XRCC6: variants seen among roughly 807,000 people sequenced by gnomAD.
XRCC6 encodes X-ray repair cross complementing 6.
XRCC6 carries 5 observed loss-of-function variants against 65.7 expected under a neutral mutation model. The observed-to-expected ratio is 0.08, with a 90% CI of 0.04 to 0.16. The LOEUF (loss-of-function observed/expected upper bound fraction) is 0.16, where lower values mean the gene tolerates loss of function less well. Ranked by LOEUF, XRCC6 falls within the 10% of genes least tolerant of loss-of-function variation. The pLI is 1.00. For synonymous variants in XRCC6, 270 were observed against 270.6 expected (o/e 1.00, Z 0.02); for missense variants, 447 against 738.1 (o/e 0.61, Z 4.57).
intron 3 of XRCC6, among the ~76,000 whole-genome samples, chr22:41,633,941 T>C (rs1179332902): frequency 6.6e-6 from 1 of 152,238 alleles, no homozygotes. Flanking sequence ...TTGTTTTTAA[T>C]TTTTAGAACC....
intron 7 of XRCC6, among the ~76,000 whole-genome samples, chr22:41,648,464 A>G (rs1012356670): frequency 6.6e-6 from 1 of 152,046 alleles, no homozygotes; most frequent in African/African-American, 2.4e-5. Context: ...CATTTTTTTT[A>G]GGGAGAGAAT....
intron 12 of XRCC6, 134 bp from the exon 13 acceptor site, chr22:41,663,488 A>G (rs1472390939): frequency 7.3e-6 from 7 of 957,688 alleles, no homozygotes; most frequent in Non-Finnish European, 1.1e-5. Flanking sequence ...AGTCTTCCCC[A>G]TGGTGTCCTA....
intron 7 of XRCC6, among the ~76,000 whole-genome samples, chr22:41,649,244 G>A (rs868781274): frequency 6.7e-6 from 1 of 149,216 alleles, no homozygotes; most frequent in Admixed American, 6.8e-5. Flanking sequence ...ATGGTTGACT[G>A]TAGCTTCAAC....
rs565202295 is a variant in XRCC6, at chr22:41,658,628, A to G, written c.1522+276A>G. On this transcript the variant is annotated intron_variant, in intron 11 of 12. Coordinates refer to ENST00000360079, the MANE Select transcript of XRCC6 (RefSeq NM_001469.5). ...ATGCTGGTGAAATTTAAAAAATAAT[A>G]TAAGAGGCTGGGCACGGTGGCTCAT... Among the ~76,000 whole-genome samples the G allele has an allele frequency of 6.6e-5, 10 of 152,346 alleles. No individual in the cohort carries two copies. The East Asian group carries it at 9.6e-4, about 15-fold the overall frequency.
At position 41,628,226 on chromosome 22, in the gene XRCC6, T is replaced by C. The variant is rs1175785361; in HGVS notation, c.191T>C (p.Ile64Thr). Residue 64 changes from isoleucine to threonine, a missense_variant, in exon 3 of 13, where the codon ATC (isoleucine) becomes ACC (threonine). Physicochemically the swap from Ile to Thr is moderately conservative, Grantham distance 89. Around this residue, in one of 4 missense-constraint regions of XRCC6, gnomAD observed 228 missense variants for 307.4 expected, o/e 0.74. Coordinates refer to ENST00000360079, the MANE Select transcript of XRCC6 (RefSeq NM_001469.5). ...GAGTTGACACCTTTTGACATGAGCATCCAGGTAAGACTACCTTTTAATTTA... is the reference window on the plus strand; with the variant it reads ...GAGTTGACACCTTTTGACATGAGCACCCAGGTAAGACTACCTTTTAATTTA... ...EDELTPFDMS[I>T]QCIQSVYISK... The C allele has an allele frequency of 1.2e-6, 2 of 1,611,550 alleles. No individual in the cohort carries two copies. Among genetic ancestry groups the C allele is most frequent in the Non-Finnish European group, 1.7e-6 (2 of 1,178,680 alleles).
intron 7 of XRCC6, among the ~76,000 whole-genome samples, chr22:41,649,139 A>AAAAATAT: frequency 2.3e-5 from 2 of 88,736 alleles, no homozygotes; most frequent in South Asian, 4.3e-4. Flanking sequence ...AAAAAAAAAA[A>AAAAATAT]ATATATATAT....
chr22:41,651,748 G>C (rs1419622156), intron 8 of XRCC6, among the ~76,000 whole-genome samples: 1 of 151,452 alleles, frequency 6.6e-6, no homozygotes, highest in Non-Finnish European at 1.5e-5. Flanking sequence ...GTCTGGTCTC[G>C]AACTCCTGAC....
chr22:41,626,068 G>C (rs977107872), intron 2 of XRCC6, among the ~76,000 whole-genome samples: 1 of 151,824 alleles, frequency 6.6e-6, no homozygotes, highest in African/African-American at 2.4e-5. Context: ...TCAATCTCTT[G>C]ACCTTGTGAT....
chr22:41,640,826 G>A (rs1453389055), intron 6 of XRCC6, among the ~76,000 whole-genome samples: 2 of 152,192 alleles, frequency 1.3e-5, no homozygotes, highest in Non-Finnish European at 2.9e-5. Context: ...TGGTGGAGAT[G>A]GATGGGGAGG....
chr22:41,622,156 A>G (rs1213971601), intron 2 of XRCC6, 70 bp downstream of exon 2: 1 of 1,534,354 alleles, frequency 6.5e-7, no homozygotes, highest in South Asian at 1.1e-5. Context: ...TCTCTGCTGG[A>G]TGGACTTTGC....
intron 6 of XRCC6, among the ~76,000 whole-genome samples, chr22:41,640,424 A>C (rs2067863638): frequency 6.6e-6 from 1 of 152,032 alleles, no homozygotes; most frequent in Admixed American, 6.6e-5. Flanking sequence ...GCTGGGATTA[A>C]GGGCGTGAGC....
chr22:41,630,701 C>CT (rs893811508), intron 3 of XRCC6, among the ~76,000 whole-genome samples: 3 of 152,076 alleles, frequency 2.0e-5, no homozygotes, highest in Admixed American at 2.0e-4. Flanking sequence ...GGTGATGACT[C>CT]TTAACGAGCA....
At chr22:41,661,468 T>TG in intron 12 of XRCC6, 24 bp downstream of exon 12, 1 of 1,599,636 alleles carries the variant, frequency 6.3e-7, no homozygotes, top group Non-Finnish European at 8.5e-7. Flanking sequence ...TGTGGACATG[T>TG]GGGCTATTTT....
rs2068058646 is a variant in XRCC6 at position 41,657,725 on chromosome 22, G to T, written c.1422-527G>T. Reference sequence around the variant, plus strand: ...TGTAGGGACGGAGTTTCACCATGTTGCCCAGGCTGGTCTGGAACTCCTGAG... The same window carrying T: ...TGTAGGGACGGAGTTTCACCATGTTTCCCAGGCTGGTCTGGAACTCCTGAG... On this transcript the variant is annotated intron_variant, in intron 10 of 12. Transcript: ENST00000360079. 2.0e-5 allele frequency among the ~76,000 whole-genome samples: 3 copies of T among 151,802 alleles called. No homozygotes were observed. In the South Asian group the frequency reaches 6.2e-4, roughly 32 times the overall value.
chr22:41,644,373 A>G (rs73424910), intron 6 of XRCC6, among the ~76,000 whole-genome samples: 10,140 of 152,172 alleles, frequency 0.067, 1,089 homozygotes, highest in African/African-American at 0.23. Context: ...AGAATGTTCT[A>G]TGTGCTTGAG....
intron 2 of XRCC6, among the ~76,000 whole-genome samples, chr22:41,624,322 AG>A (rs2147061924): frequency 6.6e-6 from 1 of 152,210 alleles, no homozygotes; most frequent in Non-Finnish European, 1.5e-5. Flanking sequence ...GGGGAGGCAG[AG>A]GCTACAGTGA....
intron 2 of XRCC6, among the ~76,000 whole-genome samples, chr22:41,626,292 G>A (rs1251669706): frequency 6.7e-6 from 1 of 148,756 alleles, no homozygotes; most frequent in Non-Finnish European, 1.5e-5. Context: ...ACAGGCATGC[G>A]CCACTACACG....
At chr22:41,649,996 A>G (rs1048380787) in intron 7 of XRCC6, among the ~76,000 whole-genome samples, 1 of 152,152 alleles carries the variant, frequency 6.6e-6, no homozygotes, top group African/African-American at 2.4e-5. Context: ...ACTGCACGCC[A>G]GTGACAGTGT....
intron 3 of XRCC6, among the ~76,000 whole-genome samples, chr22:41,632,630 C>A (rs60247290): frequency 6.6e-6 from 1 of 151,330 alleles, no homozygotes; most frequent in African/African-American, 2.4e-5. Flanking sequence ...AGAAATAGTT[C>A]TTGTAGTTGG....
Sources: gnomAD v4.1 joint callset for allele counts (sites outside exome capture counted in the v4.1 genomes callset) on GRCh38, gnomAD v4.1.1 for gene constraint, gnomAD v4.1.1 regional missense constraint, MANE v1.5 for transcripts, NCBI Gene and HGNC (gene_info 2026-07-23, HGNC 2026-07-21) for gene names.